GPAT3: variants seen among roughly 807,000 people sequenced by gnomAD.
The protein encoded by GPAT3 is glycerol-3-phosphate acyltransferase 3.
A neutral mutation model predicts 58.8 loss-of-function variants in GPAT3; 53 were observed. The ratio of observed to expected loss-of-function variants is 0.90; its 90% confidence interval spans 0.72 to 1.13. GPAT3 has a LOEUF of 1.13. Among genes scored for constraint, GPAT3 ranks in the 50% most tolerant of loss-of-function variants. The probability of loss-of-function intolerance (pLI) is 0.00; values close to 1 mark genes in which losing one functional copy is unlikely to be tolerated. For synonymous variants in GPAT3, 197 were observed against 187.4 expected (o/e 1.05, Z -0.42); for missense variants, 511 against 527.6 (o/e 0.97, Z 0.31).
rs1724086424 is a variant in GPAT3 at position 83,536,440 on chromosome 4, G to A, written c.-183G>A. The A allele has an allele frequency of 7.1e-7, 1 of 1,407,396 alleles. No individual in the cohort carries two copies. The highest frequency in any genetic ancestry group is 9.2e-7 in the Non-Finnish European group (1 of 1,084,870). 87.2% of individuals were successfully genotyped at this position (1,407,396 alleles called of 1,614,324 possible). On this transcript the variant is annotated 5_prime_UTR_variant, in exon 1 of 12. Transcript: ENST00000264409. Reference sequence around the variant, plus strand: ...ACTGGCAGGGGCGAGGAGGAGCCCAGGGAGGAAGGAAGGATATTGCCGTAA... The same window carrying A: ...ACTGGCAGGGGCGAGGAGGAGCCCAAGGAGGAAGGAAGGATATTGCCGTAA...
intron 6 of GPAT3, among the ~76,000 whole-genome samples, chr4:83,592,269 G>A (rs567068488): frequency 2.2e-4 from 33 of 152,284 alleles, no homozygotes; most frequent in African/African-American, 7.2e-4. Context: ...ATTTAGAAAA[G>A]CATAGTAACT....
chr4:83,590,941 C>T (rs764003442), intron 6 of GPAT3, among the ~76,000 whole-genome samples: 1 of 108,748 alleles, frequency 9.2e-6, no homozygotes, highest in Non-Finnish European at 1.8e-5. Flanking sequence ...GCAAATTTGT[C>T]AAGATTTCTT....
In GPAT3 at chr4:83,596,916, A is replaced by G. The variant is rs778566337; in HGVS notation, c.910+3A>G. ...ACCCATACTAATTTTTCCTGAAGGT[A>G]AGAATGGGCCTGCCTCCCGAGCTAT... On this transcript the variant is annotated splice_donor_region_variant and intron_variant, in intron 8 of 11. Coordinates refer to ENST00000264409, the MANE Select transcript of GPAT3 (RefSeq NM_032717.5). 6.2e-7 allele frequency: 1 copy of G among 1,602,482 alleles called. No homozygotes were observed. Among genetic ancestry groups the G allele is most frequent in the Non-Finnish European group, 8.5e-7 (1 of 1,176,008 alleles).
intron 2 of GPAT3, among the ~76,000 whole-genome samples, chr4:83,577,388 C>T (rs536284371): frequency 5.3e-5 from 8 of 152,176 alleles, no homozygotes; most frequent in Non-Finnish European, 1.0e-4. Context: ...TAATGTCAAC[C>T]TCCTTGATTT....
At chr4:83,580,688 C>CT (rs1726079547) in intron 2 of GPAT3, among the ~76,000 whole-genome samples, 1 of 152,152 alleles carries the variant, frequency 6.6e-6, no homozygotes, top group Admixed American at 6.6e-5. Flanking sequence ...TTCACATTTC[C>CT]TTTTTCACTA....
At chr4:83,547,004 T>A (rs532128101) in intron 2 of GPAT3, among the ~76,000 whole-genome samples, 13 of 152,032 alleles carry the variant, frequency 8.6e-5, no homozygotes, top group Admixed American at 5.9e-4. Flanking sequence ...CTAGACAGAC[T>A]GATAGAGGGT....
At chr4:83,536,975 C>T (rs1724122670) in intron 1 of GPAT3, among the ~76,000 whole-genome samples, 1 of 152,190 alleles carries the variant, frequency 6.6e-6, no homozygotes, top group East Asian at 1.9e-4. Flanking sequence ...AACCACTGGA[C>T]CACTCTGTTG....
At chr4:83,568,253 C>CT (rs911934898) in intron 2 of GPAT3, among the ~76,000 whole-genome samples, 5 of 151,790 alleles carry the variant, frequency 3.3e-5, no homozygotes, top group South Asian at 4.2e-4. Context: ...AACTCGAATG[C>CT]TTTTTTTTAA....
chr4:83,598,335 A>G (rs762762423), intron 10 of GPAT3, among the ~76,000 whole-genome samples, 156 bp downstream of exon 10: 2 of 152,114 alleles, frequency 1.3e-5, no homozygotes, highest in East Asian at 1.9e-4. Flanking sequence ...AAATCAGACC[A>G]TTTTATATTG....
Position 83,604,657 on chromosome 4 carries a change from T to C in GPAT3, c.1206-11T>C, listed in dbSNP as rs1727189981. On this transcript the variant is annotated splice_polypyrimidine_tract_variant and intron_variant, in intron 11 of 11. Transcript: ENST00000264409. The stretch of plus-strand genomic sequence containing the variant: ...AAAGTATCTTTTATGTATTTGTCTT[T>C]CTGTTTGCAGGGATGGAGGACTAAA... 1.9e-6 allele frequency: 3 copies of C among 1,608,130 alleles called. No homozygotes were observed. The highest frequency in any genetic ancestry group is 1.7e-6 in the Non-Finnish European group (2 of 1,175,834).
rs1170190978 is a variant in GPAT3 at position 83,570,753 on chromosome 4, G to A, written c.209-10809G>A. Among the ~76,000 whole-genome samples, 4 of 152,112 alleles carry A rather than the reference G, an allele frequency of 2.6e-5. No homozygotes were observed. The South Asian group carries it at 6.2e-4, about 24-fold the overall frequency. On this transcript the variant is annotated intron_variant, in intron 2 of 11. Transcript: ENST00000264409. Reference sequence around the variant, plus strand: ...CTCCCAAAGTGTTGGGATTACAGGCGTGAGCCACTGTGCCCAGCTTGGGAG... The same window carrying A: ...CTCCCAAAGTGTTGGGATTACAGGCATGAGCCACTGTGCCCAGCTTGGGAG...
At chr4:83,596,683 ATCT>A (rs1402054656) in intron 7 of GPAT3, among the ~76,000 whole-genome samples, 172 bp from the exon 8 acceptor site, 1 of 152,102 alleles carries the variant, frequency 6.6e-6, no homozygotes, top group African/African-American at 2.4e-5. Context: ...AATGGTGCAG[ATCT>A]TCTTAAACTT....
intron 2 of GPAT3, among the ~76,000 whole-genome samples, chr4:83,565,777 G>A (rs977648039): frequency 2.6e-5 from 4 of 152,200 alleles, no homozygotes; most frequent in Admixed American, 6.5e-5. Context: ...CCAGGGGACC[G>A]GAGCGTCGGA....
At chr4:83,580,602 A>G (rs1201506474) in intron 2 of GPAT3, among the ~76,000 whole-genome samples, 2 of 152,202 alleles carry the variant, frequency 1.3e-5, no homozygotes, top group Admixed American at 6.5e-5. Flanking sequence ...CAAGTTGAAT[A>G]TGAGAGTACC....
At chr4:83,577,038 A>G (rs553322521) in intron 2 of GPAT3, among the ~76,000 whole-genome samples, 1 of 152,336 alleles carries the variant, frequency 6.6e-6, no homozygotes. Context: ...AGTCATGACA[A>G]CTGTCTCCTG....
chr4:83,561,036 G>C (rs765061318), intron 2 of GPAT3, among the ~76,000 whole-genome samples: 1 of 152,192 alleles, frequency 6.6e-6, no homozygotes, highest in Non-Finnish European at 1.5e-5. Flanking sequence ...TGTGAGAACA[G>C]ACTAATACAA....
rs192578933 is a variant in GPAT3 at position 83,555,427 on chromosome 4, C to A, written c.208+10825C>A. On this transcript the variant is annotated intron_variant, in intron 2 of 11. Coordinates refer to ENST00000264409, the MANE Select transcript of GPAT3 (RefSeq NM_032717.5). ...TTTTATGGAAGCTGATGTCATGAAG[C>A]TTCCATAAAAACTAAAAAATACAGG... Among the ~76,000 whole-genome samples the A allele has an allele frequency of 3.1e-4, 47 of 152,154 alleles. No homozygotes were observed. The East Asian group carries it at 4.3e-3, about 14-fold the overall frequency.
intron 2 of GPAT3, among the ~76,000 whole-genome samples, chr4:83,563,478 CTTT>C (rs908400401): frequency 8.7e-6 from 1 of 114,452 alleles, no homozygotes; most frequent in Non-Finnish European, 1.8e-5. Flanking sequence ...TTTCTTTCTT[CTTT>C]TTTTTTTTTT....
intron 11 of GPAT3, among the ~76,000 whole-genome samples, chr4:83,604,136 A>G (rs1007164467): frequency 6.6e-6 from 1 of 152,090 alleles, no homozygotes; most frequent in Non-Finnish European, 1.5e-5. Context: ...CAATGGCGTG[A>G]TCTCGGCTCA....
Sources: allele counts gnomAD v4.1 joint callset (sites outside exome capture counted in the v4.1 genomes callset), GRCh38; gene constraint gnomAD v4.1.1; transcripts MANE v1.5; gene names NCBI Gene and HGNC (gene_info 2026-07-23, HGNC 2026-07-21).